The following ANK2 variants were observed in gnomAD, a reference collection of about 807,000 sequenced individuals.
ANK2 encodes ankyrin-2.
In ANK2, 83 loss-of-function variants were observed where a neutral mutation model predicts 360.5. The observed-to-expected ratio is 0.23, with a 90% confidence interval of 0.19 to 0.28. The LOEUF (loss-of-function observed/expected upper bound fraction) is 0.28. Ranked by LOEUF, ANK2 falls within the 10% of genes least tolerant of loss-of-function variation. The pLI, the probability that ANK2 is intolerant of heterozygous loss-of-function variation, is 1.00. For missense variants in ANK2, 4,201 were observed against 4,795.7 expected (o/e 0.88, Z 3.66); for synonymous variants, 1,740 against 1,759.5 (o/e 0.99, Z 0.28).
intron 2 of ANK2, among the ~76,000 whole-genome samples, chr4:112,996,428 A>T (rs1561462855): frequency 6.6e-6 from 1 of 152,158 alleles, no homozygotes; most frequent in African/African-American, 2.4e-5. Flanking sequence ...CTCTAATAAA[A>T]CTATATTTTA....
the ANK2 span, among the ~76,000 whole-genome samples, chr4:112,750,837 C>T: frequency 6.6e-6 from 1 of 152,164 alleles, no homozygotes; most frequent in Admixed American, 6.5e-5. Context: ...AAGCAGTTCT[C>T]CTGCCTCAGC....
chr4:113,380,110 G>A (rs530717029), intron 45 of ANK2, among the ~76,000 whole-genome samples: 1 of 152,178 alleles, frequency 6.6e-6, no homozygotes, highest in South Asian at 2.1e-4. Context: ...TTATACTAGT[G>A]TCTGGCCCAT....
chr4:113,297,119 A>C (rs1166569955), intron 22 of ANK2, among the ~76,000 whole-genome samples: 4 of 152,152 alleles, frequency 2.6e-5, no homozygotes, highest in Non-Finnish European at 5.9e-5. Flanking sequence ...TGGGTACAAA[A>C]ATACAGTCAG....
At chr4:113,214,154 G>T (rs1408206513) in intron 4 of ANK2, 1 of 687,426 alleles carries the variant, frequency 1.5e-6, no homozygotes, top group African/African-American at 1.8e-5. Flanking sequence ...CTACTTTGCT[G>T]TGAATTGCAC....
At chr4:113,339,662 T>C (rs1479496904) in intron 32 of ANK2, among the ~76,000 whole-genome samples, 1 of 152,258 alleles carries the variant, frequency 6.6e-6, no homozygotes. Flanking sequence ...TAGCCTGAAC[T>C]ACTTTTCCAA....
At chr4:112,769,771 A>G in the ANK2 span, among the ~76,000 whole-genome samples, 2 of 152,102 alleles carry the variant, frequency 1.3e-5, no homozygotes, top group South Asian at 2.1e-4. Flanking sequence ...GTATCATCCA[A>G]TCCATCCTGA....
chr4:112,983,415 G>A (rs1038445230), intron 2 of ANK2, among the ~76,000 whole-genome samples: 17 of 150,998 alleles, frequency 1.1e-4, no homozygotes, highest in African/African-American at 3.4e-4. Context: ...AGTGGCTCAC[G>A]CCTGTAATTC....
chr4:112,959,544 A>G (rs954137181), intron 2 of ANK2, among the ~76,000 whole-genome samples: 1 of 152,198 alleles, frequency 6.6e-6, no homozygotes, highest in African/African-American at 2.4e-5. Flanking sequence ...TGAATAGGTT[A>G]TGGGAAACAC....
intron 2 of ANK2, among the ~76,000 whole-genome samples, chr4:113,035,221 T>G (rs376095133): frequency 6.6e-6 from 1 of 151,844 alleles, no homozygotes; most frequent in East Asian, 1.9e-4. Context: ...TGTTCTGGAT[T>G]TATCCAGTTG....
intron 13 of ANK2, among the ~76,000 whole-genome samples, chr4:113,262,789 C>G (rs1443521661): frequency 6.6e-6 from 1 of 150,746 alleles, no homozygotes; most frequent in Non-Finnish European, 1.5e-5. Context: ...AAATACTACA[C>G]CATTTTATAT....
the ANK2 span, among the ~76,000 whole-genome samples, chr4:112,761,002 T>C: frequency 1.3e-5 from 2 of 151,548 alleles, no homozygotes; most frequent in African/African-American, 2.4e-5. Context: ...AGAGACAGGG[T>C]TTCACCATGT....
chr4:112,755,803 C>CTTT, the ANK2 span: 1 of 156,056 alleles, frequency 6.4e-6, no homozygotes, highest in Non-Finnish European at 1.4e-5. Context: ...TAAATGTTTT[C>CTTT]TTTTTTTTTT....
intron 24 of ANK2, among the ~76,000 whole-genome samples, chr4:113,316,820 T>A (rs766770820): frequency 3.9e-5 from 6 of 152,228 alleles, no homozygotes; most frequent in Admixed American, 6.5e-5. Flanking sequence ...ATTTAGAACT[T>A]TGAAGTTCAG....
At chr4:113,165,924 C>T (rs2097737266) in intron 1 of ANK2, among the ~76,000 whole-genome samples, 1 of 152,088 alleles carries the variant, frequency 6.6e-6, no homozygotes, top group African/African-American at 2.4e-5. Flanking sequence ...CCCTGTTACT[C>T]TGATTTTCTT....
intron 2 of ANK2, among the ~76,000 whole-genome samples, chr4:112,920,075 T>TA (rs1465167246): frequency 6.6e-6 from 1 of 152,080 alleles, no homozygotes; most frequent in Non-Finnish European, 1.5e-5. Context: ...ATTGTAGGAG[T>TA]AAAAGTTCCT....
chr4:113,353,250 G>A lies in ANK2; in HGVS notation c.4632G>A (p.Glu1544=). Residue 1544 remains glutamate (E), a synonymous_variant, in exon 38 of 46, where the codon GAG becomes GAA. Transcript: ENST00000357077. The stretch of plus-strand genomic sequence containing the variant: ...AGCTGGTGAAGGCTGCTGAGGAAGA[G>A]CCAGGAGAGCCTTTTGAAATCGTTG... The part of the protein sequence containing the change: ...VKELVKAAEE[E]PGEPFEIVER... 1 of 1,614,028 alleles carries A rather than the reference G, an allele frequency of 6.2e-7. No homozygotes were observed. Among genetic ancestry groups the A allele is most frequent in the Non-Finnish European group, 8.5e-7 (1 of 1,179,952 alleles).
intron 1 of ANK2, among the ~76,000 whole-genome samples, chr4:113,072,953 CTTTTTTT>C (rs77468290): frequency 3.4e-5 from 2 of 59,408 alleles, no homozygotes; most frequent in Non-Finnish European, 6.0e-5. Context: ...AGGACAGTGT[CTTTTTTT>C]TTTTTTTTTT....
At chr4:113,319,730 C>T (rs1297551732) in intron 26 of ANK2, among the ~76,000 whole-genome samples, 1 of 152,036 alleles carries the variant, frequency 6.6e-6, no homozygotes, top group African/African-American at 2.4e-5. Context: ...CCTAATGCGA[C>T]AGTTATTCAT....
At chr4:112,755,803 CT>C in the ANK2 span, 3,577 of 155,864 alleles carry the variant, frequency 0.023, 110 homozygotes, top group African/African-American at 0.073. Flanking sequence ...TAAATGTTTT[CT>C]TTTTTTTTTT....
Sources: allele counts gnomAD v4.1 joint callset (sites outside exome capture counted in the v4.1 genomes callset), GRCh38; gene constraint gnomAD v4.1.1; transcripts MANE v1.5; gene names NCBI Gene and HGNC (gene_info 2026-07-23, HGNC 2026-07-21).